KDM5A: variants seen among roughly 807,000 people sequenced by gnomAD.
The protein encoded by KDM5A is lysine demethylase 5A.
In KDM5A, 42 loss-of-function variants were observed where a neutral mutation model predicts 193.5. The observed-to-expected ratio is 0.22, with a 90% CI of 0.17 to 0.28. The LOEUF (loss-of-function observed/expected upper bound fraction) is 0.28. Among genes scored for constraint, KDM5A ranks in the 10% least tolerant of loss-of-function variants. The pLI, the probability that KDM5A is intolerant of heterozygous loss-of-function variation, is 1.00. For missense variants in KDM5A, 1,692 were observed against 2,055.1 expected, an observed-to-expected ratio of 0.82 and a Z score of 3.42; for synonymous variants, 796 against 718.1, an observed-to-expected ratio of 1.11 and a Z score of -1.73.
chr12:375,166 AGT>A (rs1384631641), intron 3 of KDM5A, among the ~76,000 whole-genome samples: 1 of 152,112 alleles, frequency 6.6e-6, no homozygotes, highest in Non-Finnish European at 1.5e-5. Context: ...TATCCTGCAG[AGT>A]GTTTTCCAGC....
chr12:345,016 A>G (rs535803881), intron 10 of KDM5A, among the ~76,000 whole-genome samples: 1 of 152,314 alleles, frequency 6.6e-6, no homozygotes, highest in South Asian at 2.1e-4. Flanking sequence ...CGTATTCAGG[A>G]GACCCATCTC....
In KDM5A at chr12:386,386, G is replaced by C. The variant is rs533874022; in HGVS notation, c.166-412C>G. On this transcript the variant is annotated intron_variant, in intron 1 of 27. Transcript: ENST00000399788. ...TATACTGGACCGTCAGAAAAGAAAG[G>C]TGTCAGTAGCTCAGCCACCAGTGTG... Among the ~76,000 whole-genome samples, 4 of 152,292 alleles carry C rather than the reference G, an allele frequency of 2.6e-5. No individual in the cohort carries two copies. The South Asian group carries it at 8.3e-4, about 32-fold the overall frequency.
intron 10 of KDM5A, among the ~76,000 whole-genome samples, chr12:343,164 C>G (rs1432883040): frequency 6.6e-6 from 1 of 152,222 alleles, no homozygotes; most frequent in East Asian, 1.9e-4. Flanking sequence ...CAGAGCCTTG[C>G]TCACTGCTAG....
rs534064020 is a variant in KDM5A, at chr12:282,715, T to A, written c.*2741A>T. On this transcript the variant is annotated 3_prime_UTR_variant, in exon 28 of 28. Coordinates refer to ENST00000399788, the MANE Select transcript of KDM5A (RefSeq NM_001042603.3). ...TAATGATGAAGAATTGCAACTTCAG[T>A]TGCAGTTTAGAGGAGATAAGGGTAG... is the stretch of plus-strand genomic sequence containing the variant. 1.7e-5 allele frequency: 4 copies of A among 232,806 alleles called. No homozygotes were observed. The highest frequency in any genetic ancestry group is 8.8e-5 in the African/African-American group (4 of 45,330). 14.4% of individuals were successfully genotyped at this position (232,806 alleles called of 1,614,324 possible).
chr12:364,243 G>A (rs373064370), intron 4 of KDM5A, among the ~76,000 whole-genome samples: 16 of 152,150 alleles, frequency 1.1e-4, no homozygotes, highest in Admixed American at 3.9e-4. Flanking sequence ...TGGCCAAGGT[G>A]GGTGGACCAC....
intron 27 of KDM5A, among the ~76,000 whole-genome samples, chr12:291,548 C>G (rs942144077): frequency 6.6e-6 from 1 of 152,142 alleles, no homozygotes; most frequent in Admixed American, 6.5e-5. Context: ...ACAAAGTAAC[C>G]TGTTGGTGCC....
intron 14 of KDM5A, 64 bp downstream of exon 14, chr12:328,771 A>G: frequency 1.4e-6 from 2 of 1,454,202 alleles, no homozygotes; most frequent in Non-Finnish European, 1.9e-6. Flanking sequence ...AATTCTACCT[A>G]TAGGTTTATT....
At position 350,633 on chromosome 12, in the gene KDM5A, C is replaced by A; in HGVS notation, c.1296G>T (p.Leu432=). 2 of 1,613,986 alleles carry A rather than the reference C, an allele frequency of 1.2e-6. No homozygotes were observed. Among genetic ancestry groups the A allele is most frequent in the Admixed American group, 3.3e-5 (2 of 59,988 alleles). The part of the protein sequence containing the change: ...FPVKDGRRKI[L]PEEEEYALSG... ...GATAAATCTGCACCTCTTCTTCTGG[C>A]AGAATCTTTCTCCGCCCATCCTTCA... The change falls in exon 10 of 28, where the codon CTG becomes CTT. Residue 432 remains leucine (L), a synonymous_variant. Transcript: ENST00000399788.
At chr12:387,164 C>T in intron 1 of KDM5A, 1 of 285,688 alleles carries the variant, frequency 3.5e-6, no homozygotes, top group South Asian at 3.0e-5. Context: ...GTCTAAATAA[C>T]ATAGTTTGAT....
chr12:309,816 T>A lies in KDM5A; in HGVS notation c.3365A>T (p.Asp1122Val), dbSNP rs1943560581. The change falls in exon 22 of 28, where the codon GAT becomes GTT. Residue 1122 changes from aspartate (D) to valine (V), a missense_variant. By Grantham distance (152) the Asp-to-Val change is radical. Transcript: ENST00000399788. The part of the protein sequence containing the change: ...DLEEGLEETR[D>V]TAMVVAVFKE... The stretch of plus-strand genomic sequence containing the variant: ...GTAATTTCTTACCACCATGGCTGTA[T>A]CTCTGGTTTCCTCCAATCCTTCCTC... The A allele has an allele frequency of 6.2e-7, 1 of 1,614,154 alleles. No individual in the cohort carries two copies. Among genetic ancestry groups the A allele is most frequent in the Non-Finnish European group, 8.5e-7 (1 of 1,180,014 alleles).
chr12:316,224 T>A (rs67515639), intron 19 of KDM5A, among the ~76,000 whole-genome samples: 12,282 of 152,272 alleles, frequency 0.081, 743 homozygotes, highest in Non-Finnish European at 0.12. Flanking sequence ...CATAATCCTC[T>A]ATTTCTTTAC....
At chr12:341,224 T>C (rs1944000725) in intron 10 of KDM5A, among the ~76,000 whole-genome samples, 1 of 152,166 alleles carries the variant, frequency 6.6e-6, no homozygotes, top group African/African-American at 2.4e-5. Context: ...CATTTGCCAA[T>C]GGAAGGGTGT....
rs11062243 is a variant in KDM5A, at chr12:281,930, C to T, written c.*3526G>A. 1.3e-3 allele frequency: 383 copies of T among 285,784 alleles called. 2 individuals carry two copies. The East Asian group carries it at 0.02, about 15-fold the overall frequency. 17.7% of individuals were successfully genotyped at this position (285,784 alleles called of 1,614,324 possible). A position where few individuals can be genotyped will look rare whatever the true frequency, so the allele number is the denominator to read the frequency against. On this transcript the variant is annotated 3_prime_UTR_variant, in exon 28 of 28. Transcript: ENST00000399788. ...GACATTTTGTGGGCACCTGCTAGCA[C>T]AGAAGCGCAGAAGCAAAGCCCAGGC... is the stretch of plus-strand genomic sequence containing the variant.
At position 285,408 on chromosome 12, in the gene KDM5A, C is replaced by A; in HGVS notation, c.*48G>T. 6.6e-7 allele frequency: 1 copy of A among 1,504,626 alleles called. No individual in the cohort carries two copies. Among genetic ancestry groups the A allele is most frequent in the East Asian group, 2.3e-5 (1 of 44,308 alleles). 93.2% of individuals were successfully genotyped at this position (1,504,626 alleles called of 1,614,324 possible). A position where few individuals can be genotyped will look rare whatever the true frequency, so the allele number is the denominator to read the frequency against. ...AACCACTCTACTTGATGACTAAGGT[C>A]TCAATGTGGTCCATGTCCCCCCATG... On this transcript the variant is annotated 3_prime_UTR_variant, in exon 28 of 28. Coordinates refer to ENST00000399788, the MANE Select transcript of KDM5A (RefSeq NM_001042603.3).
rs933769614 is a variant in KDM5A at position 385,231 on chromosome 12, G to A, written c.243+666C>T. 3.3e-5 allele frequency among the ~76,000 whole-genome samples: 5 copies of A among 150,916 alleles called. No homozygotes were observed. In the South Asian group the frequency reaches 1.0e-3, roughly 32 times the overall value. On this transcript the variant is annotated intron_variant, in intron 2 of 27. Transcript: ENST00000399788. ...TATTAAACTCTCAGAAATGTTTTGG[G>A]GAGAAAAGAAAAAAAACTTCAGAAT...
Position 389,185 on chromosome 12 carries a change from G to C in KDM5A, c.-94C>G, listed in dbSNP as rs763414555. The stretch of plus-strand genomic sequence containing the variant: ...AAGCCCGTTCAAGTCCCCTGACAGA[G>C]GCCGAAGCGCATCTTCGCGGACAAG... On this transcript the variant is annotated 5_prime_UTR_variant, in exon 1 of 28. Transcript: ENST00000399788. 8.5e-7 allele frequency: 1 copy of C among 1,177,148 alleles called. No homozygotes were observed. The highest frequency in any genetic ancestry group is 1.2e-5 in the South Asian group (1 of 82,740). 72.9% of individuals were successfully genotyped at this position (1,177,148 alleles called of 1,614,324 possible).
intron 3 of KDM5A, among the ~76,000 whole-genome samples, chr12:375,804 G>A (rs1357399619): frequency 6.6e-6 from 1 of 152,192 alleles, no homozygotes; most frequent in Admixed American, 6.5e-5. Context: ...TAACAGTCAG[G>A]ACCCTCAGCT....
chr12:340,397 A>T (rs961504528), intron 10 of KDM5A, among the ~76,000 whole-genome samples: 7 of 152,124 alleles, frequency 4.6e-5, no homozygotes. Context: ...AAGTATCATT[A>T]AAAAACTATC....
intron 26 of KDM5A, among the ~76,000 whole-genome samples, chr12:293,861 T>C (rs1943336180): frequency 6.7e-6 from 1 of 148,422 alleles, no homozygotes; most frequent in Admixed American, 6.8e-5. Flanking sequence ...TACTATTCAA[T>C]GAAGATAACA....
Sources: allele counts gnomAD v4.1 joint callset (sites outside exome capture counted in the v4.1 genomes callset), GRCh38; gene constraint gnomAD v4.1.1; transcripts MANE v1.5; gene names NCBI Gene and HGNC (gene_info 2026-07-23, HGNC 2026-07-21).